The following DDA1 variants were observed in gnomAD, a reference collection of about 807,000 sequenced individuals.
DDA1 encodes DET1- and DDB1-associated protein 1.
DDA1 carries 3 observed loss-of-function variants against 18.6 expected under a neutral mutation model. The ratio of observed to expected loss-of-function variants is 0.16; its 90% CI spans 0.07 to 0.42. The LOEUF (loss-of-function observed/expected upper bound fraction) is 0.42, where lower values mean the gene tolerates loss of function less well. Ranked by LOEUF, DDA1 falls within the 10% of genes least tolerant of loss-of-function variation. DDA1 has a pLI of 0.99. For missense variants in DDA1, 105 were observed against 138.2 expected (o/e 0.76, Z 1.20); for synonymous variants, 52 against 54.0 (o/e 0.96, Z 0.17).
At chr19:17,315,220 C>T (rs1356611736) in intron 3 of DDA1, among the ~76,000 whole-genome samples, 1 of 25,266 alleles carries the variant, frequency 4.0e-5, no homozygotes, top group Admixed American at 2.7e-4. Context: ...TATATACACA[C>T]ACGTGTATAC....
In DDA1 at chr19:17,314,704, G is replaced by C. The variant is rs2074194481; in HGVS notation, c.136+315G>C. 1 of 408,990 alleles carries C rather than the reference G, an allele frequency of 2.4e-6. No homozygotes were observed. The highest frequency in any genetic ancestry group is 4.5e-6 in the Non-Finnish European group (1 of 221,806). The allele number at this position is 408,990 out of a possible 1,614,324, so 25.3% of individuals were successfully genotyped here. On this transcript the variant is annotated intron_variant, in intron 3 of 4. Coordinates refer to ENST00000359866, the MANE Select transcript of DDA1 (RefSeq NM_024050.6). This position sits in a 1 kb window ranked among gnomAD's most constrained non-coding sequence, Gnocchi z 4.6. ...CACTGGGATCCACAGCCAGCCCAAA[G>C]GGGCCCCCAAGTTGTCCCTCATCTG... is the stretch of plus-strand genomic sequence containing the variant.
intron 4 of DDA1, among the ~76,000 whole-genome samples, chr19:17,316,592 A>G (rs1008314842): frequency 7.9e-5 from 12 of 151,834 alleles, no homozygotes; most frequent in African/African-American, 2.9e-4. Context: ...AAATAAAAAA[A>G]GGCCGGGTGA....
intron 4 of DDA1, 56 bp downstream of exon 4, chr19:17,316,051 T>G: frequency 6.4e-7 from 1 of 1,571,248 alleles, no homozygotes; most frequent in Non-Finnish European, 8.8e-7. Flanking sequence ...ACTGGGCACC[T>G]GGCAGGGGCT....
intron 3 of DDA1, 85 bp from the exon 4 acceptor site, chr19:17,315,849 C>T: frequency 7.6e-7 from 1 of 1,312,688 alleles, no homozygotes; most frequent in Non-Finnish European, 1.1e-6. Flanking sequence ...TGAGTTCCAG[C>T]CCCAAAAAGA....
At chr19:17,318,836 GTT>G (rs1055474705) in intron 4 of DDA1, among the ~76,000 whole-genome samples, 1,564 of 140,278 alleles carry the variant, frequency 0.011, 25 homozygotes, top group African/African-American at 0.038. Flanking sequence ...TGGCAAGTTT[GTT>G]TTTTTTTTTT....
intron 4 of DDA1, 41 bp from the exon 5 acceptor site, chr19:17,319,503 GAA>G (rs34681934): frequency 4.6e-6 from 7 of 1,517,786 alleles, no homozygotes; most frequent in South Asian, 3.6e-5. Context: ...GAGGCTGTCC[GAA>G]AAAAAAGACT....
intron 3 of DDA1, among the ~76,000 whole-genome samples, chr19:17,315,197 G>GTATATACACACGTGTA: frequency 5.9e-5 from 1 of 16,874 alleles, no homozygotes; most frequent in African/African-American, 6.9e-4. Context: ...ACACACACGT[G>GTATATACACACGTGTA]TATACACACG....
At chr19:17,313,892 AGGGT>A in intron 1 of DDA1, 127 bp from the exon 2 acceptor site, 1 of 724,302 alleles carries the variant, frequency 1.4e-6, no homozygotes, top group Non-Finnish European at 2.4e-6. Flanking sequence ...AGCCAGCTCA[AGGGT>A]GTGTTCTGGA....
chr19:17,315,319 C>CG (rs1387311715), intron 3 of DDA1, among the ~76,000 whole-genome samples: 2 of 27,860 alleles, frequency 7.2e-5, no homozygotes, highest in Non-Finnish European at 1.6e-4. Context: ...TATATACACG[C>CG]TATATATATA....
At chr19:17,316,943 T>A (rs543593868) in intron 4 of DDA1, among the ~76,000 whole-genome samples, 15 of 151,310 alleles carry the variant, frequency 9.9e-5, no homozygotes, top group Non-Finnish European at 1.9e-4. Flanking sequence ...ATTAAAAATC[T>A]CAGCTGGGCG....
rs1175386698 is a variant in DDA1, at chr19:17,315,202, C to T, written c.137-732C>T. On this transcript the variant is annotated intron_variant, in intron 3 of 4. Coordinates refer to ENST00000359866, the MANE Select transcript of DDA1 (RefSeq NM_024050.6). ...ACACGTGTATACACACACGTGTATA[C>T]ACACGTGTATATACACACACGTGTA... Among the ~76,000 whole-genome samples, 189 of 21,034 alleles carry T rather than the reference C, an allele frequency of 9.0e-3. 70 individuals carry two copies. Among genetic ancestry groups the T allele is most frequent in the African/African-American group, 0.043 (161 of 3,788 alleles). The allele number at this position is 21,034 out of a possible 152,430, so 13.8% of individuals were successfully genotyped here.
At chr19:17,312,568 C>T (rs2074184166) in intron 1 of DDA1, among the ~76,000 whole-genome samples, 1 of 152,144 alleles carries the variant, frequency 6.6e-6, no homozygotes, top group Non-Finnish European at 1.5e-5. Context: ...CTTCAGGTCT[C>T]AGTGCCTGCA....
At position 17,320,046 on chromosome 19, in the gene DDA1, C is replaced by T. The variant is rs1041878135; in HGVS notation, c.*390C>T. 28 of 185,792 alleles carry T rather than the reference C, an allele frequency of 1.5e-4. No individual in the cohort carries two copies. The highest frequency in any genetic ancestry group is 6.2e-4 in the African/African-American group (26 of 42,108). The allele number at this position is 185,792 out of a possible 1,614,324, so 11.5% of individuals were successfully genotyped here. ...CTTTACTGTGGCCGGGCGACAGGGG[C>T]GGGCCCGGGGTGGCCTGACCTACCA... On this transcript the variant is annotated 3_prime_UTR_variant, in exon 5 of 5. Coordinates refer to ENST00000359866, the MANE Select transcript of DDA1 (RefSeq NM_024050.6).
chr19:17,320,050 C>T lies in DDA1; in HGVS notation c.*394C>T. 2 of 180,534 alleles carry T rather than the reference C, an allele frequency of 1.1e-5. No individual in the cohort carries two copies. Among genetic ancestry groups the T allele is most frequent in the South Asian group, 2.0e-4 (2 of 9,874 alleles). 11.2% of individuals were successfully genotyped at this position (180,534 alleles called of 1,614,324 possible). A position where few individuals can be genotyped will look rare whatever the true frequency, so the allele number is the denominator to read the frequency against. ...ACTGTGGCCGGGCGACAGGGGCGGG[C>T]CCGGGGTGGCCTGACCTACCAGGAC... On this transcript the variant is annotated 3_prime_UTR_variant, in exon 5 of 5. Transcript: ENST00000359866.
chr19:17,313,643 A>G (rs1473326154), intron 1 of DDA1, among the ~76,000 whole-genome samples: 2 of 151,906 alleles, frequency 1.3e-5, no homozygotes, highest in Admixed American at 6.6e-5. Flanking sequence ...AGGTTTTGCC[A>G]TGTTGGCCAG....
chr19:17,315,197 GTA>G lies in DDA1; in HGVS notation c.137-734_137-733del, dbSNP rs199906122. Reference sequence around the variant, plus strand: ...TACACACACGTGTATACACACACGTGTATACACACGTGTATATACACACACGT... The same window carrying G: ...TACACACACGTGTATACACACACGTGTACACACGTGTATATACACACACGT... On this transcript the variant is annotated intron_variant, in intron 3 of 4. Transcript: ENST00000359866. Among the ~76,000 whole-genome samples the G allele has an allele frequency of 1.8e-4, 3 of 16,876 alleles. 1 individual carries two copies. In the African/African-American group the frequency reaches 2.1e-3, roughly 12 times the overall value. The allele number at this position is 16,876 out of a possible 152,430, so 11.1% of individuals were successfully genotyped here.
intron 1 of DDA1, among the ~76,000 whole-genome samples, chr19:17,312,500 G>A (rs1326815231): frequency 1.3e-5 from 2 of 152,208 alleles, no homozygotes; most frequent in Non-Finnish European, 2.9e-5. Context: ...TATGATGGGA[G>A]TCCAGCAGGG....
chr19:17,314,240 C>T lies in DDA1; in HGVS notation c.85-98C>T. 1 of 1,567,950 alleles carries T rather than the reference C, an allele frequency of 6.4e-7. No homozygotes were observed. On this transcript the variant is annotated intron_variant, in intron 2 of 4. Coordinates refer to ENST00000359866, the MANE Select transcript of DDA1 (RefSeq NM_024050.6). This position sits in a 1 kb window ranked among gnomAD's most constrained non-coding sequence, Gnocchi z 4.6. ...CAGCCCCATCCACATACTTGAGTGT[C>T]TTCCAATCTGCACTGAAGGGTGGGT... is the stretch of plus-strand genomic sequence containing the variant.
rs1460133128 is a variant in DDA1, at chr19:17,315,079, CCATATATATACGTATATATACACA to C, written c.136+702_136+725del. 2.0e-3 allele frequency among the ~76,000 whole-genome samples: 237 copies of C among 115,780 alleles called. 10 individuals are homozygous for C. The highest frequency in any genetic ancestry group is 6.7e-3 in the African/African-American group (223 of 33,498). The allele number at this position is 115,780 out of a possible 152,430, so 76.0% of individuals were successfully genotyped here. A position where few individuals can be genotyped will look rare whatever the true frequency, so the allele number is the denominator to read the frequency against. On this transcript the variant is annotated intron_variant, in intron 3 of 4. Coordinates refer to ENST00000359866, the MANE Select transcript of DDA1 (RefSeq NM_024050.6). ...TAGTTAGACCCTGTTTCACCAAAAA[CCATATATATACGTATATATACACA>C]CATATATATACACACACGTATATAT...
Sources: allele counts gnomAD v4.1 joint callset (sites outside exome capture counted in the v4.1 genomes callset), GRCh38; gene constraint gnomAD v4.1.1; non-coding constraint Gnocchi (gnomAD v3.1); transcripts MANE v1.5; gene names NCBI Gene and HGNC (gene_info 2026-07-23, HGNC 2026-07-21).